Variants in SNX24 observed in about 807,000 individuals in gnomAD.
The protein encoded by SNX24 is sorting nexin-24.
SNX24 carries 22 observed loss-of-function variants against 28.7 expected under a neutral mutation model. That is an observed-to-expected ratio of 0.77 (90% CI 0.55 to 1.10). SNX24 has a LOEUF of 1.10. Ranked by LOEUF, SNX24 falls within the 50% of genes least tolerant of loss-of-function variation. The pLI is 0.00. For synonymous variants in SNX24, 69 were observed against 71.5 expected (o/e 0.96, Z 0.18); for missense variants, 221 against 201.1 (o/e 1.10, Z -0.60).
chr5:122,941,309 T>C (rs2150121346), intron 2 of SNX24, among the ~76,000 whole-genome samples: 1 of 152,300 alleles, frequency 6.6e-6, no homozygotes, highest in East Asian at 1.9e-4. Flanking sequence ...TTCTGTCTAC[T>C]ACTAACACCT....
chr5:122,924,524 C>T (rs1758591694), intron 1 of SNX24, among the ~76,000 whole-genome samples: 1 of 152,130 alleles, frequency 6.6e-6, no homozygotes, highest in Non-Finnish European at 1.5e-5. Flanking sequence ...GTACAGTGTG[C>T]AATTTAAAAC....
rs186279940 is a variant in SNX24 at position 122,917,291 on chromosome 5, C to T, written c.61-19443C>T. 4.6e-5 allele frequency among the ~76,000 whole-genome samples: 7 copies of T among 151,984 alleles called. No homozygotes were observed. In the East Asian group the frequency reaches 1.2e-3, roughly 25 times the overall value. On this transcript the variant is annotated intron_variant, in intron 1 of 6. Coordinates refer to ENST00000261369, the MANE Select transcript of SNX24 (RefSeq NM_014035.4). ...AAAAAGAAAGAAAAAAAAGACTGCTCCTCAACATCTCTCCTTGCTTCTGAA... is the reference window on the plus strand; with the variant it reads ...AAAAAGAAAGAAAAAAAAGACTGCTTCTCAACATCTCTCCTTGCTTCTGAA...
intron 2 of SNX24, among the ~76,000 whole-genome samples, chr5:122,937,660 AG>A (rs1759235904): frequency 6.6e-6 from 1 of 152,174 alleles, no homozygotes; most frequent in Non-Finnish European, 1.5e-5. Context: ...TTTCTTTTAA[AG>A]GGGAGCTCTA....
intron 5 of SNX24, among the ~76,000 whole-genome samples, chr5:123,023,081 A>G (rs1482333168): frequency 6.6e-6 from 1 of 152,240 alleles, no homozygotes; most frequent in African/African-American, 2.4e-5. Context: ...GATTATAGGC[A>G]TGAGCCACCA....
chr5:122,990,340 G>A (rs1205793368), intron 3 of SNX24, among the ~76,000 whole-genome samples: 5 of 152,172 alleles, frequency 3.3e-5, no homozygotes, highest in African/African-American at 1.2e-4. Flanking sequence ...ATAAAATGGT[G>A]TTGGAAGTCT....
intron 1 of SNX24, among the ~76,000 whole-genome samples, chr5:122,934,873 T>C (rs1260404754): frequency 6.6e-6 from 1 of 150,500 alleles, no homozygotes; most frequent in Non-Finnish European, 1.5e-5. Context: ...CCACCCTTCA[T>C]TGTGAATTTA....
chr5:123,018,928 G>A (rs1425365861), intron 5 of SNX24, among the ~76,000 whole-genome samples: 15 of 152,128 alleles, frequency 9.9e-5, no homozygotes, highest in Admixed American at 5.9e-4. Context: ...CTTGTGATCC[G>A]CCCGCCTCGG....
At chr5:122,860,807 A>G (rs1755425768) in intron 1 of SNX24, among the ~76,000 whole-genome samples, 1 of 152,038 alleles carries the variant, frequency 6.6e-6, no homozygotes, top group Admixed American at 6.6e-5. Flanking sequence ...TGTGTTAGCC[A>G]GGATGGTCTC....
At chr5:122,855,515 T>C (rs1009799236) in intron 1 of SNX24, among the ~76,000 whole-genome samples, 1 of 152,214 alleles carries the variant, frequency 6.6e-6, no homozygotes, top group Non-Finnish European at 1.5e-5. Flanking sequence ...GCATGGTGGC[T>C]CTAACTTGTA....
At chr5:123,001,283 C>T (rs1429019605) in intron 4 of SNX24, 122 bp from the exon 5 acceptor site, 1 of 704,064 alleles carries the variant, frequency 1.4e-6, no homozygotes, top group African/African-American at 1.8e-5. Context: ...ACTCACAGCT[C>T]TTTTAAAAAA....
chr5:122,962,749 A>C (rs1052151984), intron 3 of SNX24, among the ~76,000 whole-genome samples: 2 of 152,216 alleles, frequency 1.3e-5, no homozygotes, highest in Middle Eastern at 3.2e-3. Flanking sequence ...TATTAACTCT[A>C]GTGGATTGTG....
intron 1 of SNX24, among the ~76,000 whole-genome samples, chr5:122,878,632 C>T (rs1756337084): frequency 1.3e-5 from 2 of 151,756 alleles, no homozygotes; most frequent in Admixed American, 1.3e-4. Context: ...AGTTGTTTTC[C>T]CTGTCAGGAA....
At chr5:122,972,419 A>G (rs1368797315) in intron 3 of SNX24, among the ~76,000 whole-genome samples, 1 of 152,216 alleles carries the variant, frequency 6.6e-6, no homozygotes, top group African/African-American at 2.4e-5. Context: ...TGATTCAAAG[A>G]ATACACAGCC....
intron 3 of SNX24, among the ~76,000 whole-genome samples, chr5:122,994,975 A>G (rs1762001109): frequency 6.6e-6 from 1 of 152,174 alleles, no homozygotes; most frequent in Non-Finnish European, 1.5e-5. Flanking sequence ...CAGTTCTTTC[A>G]TTTAACCCCA....
chr5:122,982,018 T>C (rs976023103), intron 3 of SNX24, among the ~76,000 whole-genome samples: 1 of 152,196 alleles, frequency 6.6e-6, no homozygotes, highest in African/African-American at 2.4e-5. Flanking sequence ...AAGAGAGTAA[T>C]GTAACGTTCA....
intron 3 of SNX24, among the ~76,000 whole-genome samples, chr5:122,983,599 A>G (rs1474283213): frequency 6.6e-6 from 1 of 152,208 alleles, no homozygotes; most frequent in Non-Finnish European, 1.5e-5. Context: ...CCAACAAAGT[A>G]GTGAAAAATT....
intron 1 of SNX24, among the ~76,000 whole-genome samples, chr5:122,911,950 C>G (rs1431984388): frequency 4.8e-5 from 7 of 146,638 alleles, no homozygotes; most frequent in East Asian, 2.0e-4. Flanking sequence ...CTTGGCGATG[C>G]GGGCTCTTTT....
intron 1 of SNX24, among the ~76,000 whole-genome samples, chr5:122,921,630 GA>G (rs35540596): frequency 0.77 from 116,962 of 152,018 alleles, 45,878 homozygotes; most frequent in East Asian, 0.99. Flanking sequence ...TGTAAGGCTT[GA>G]AAAAAAGATT....
intron 3 of SNX24, among the ~76,000 whole-genome samples, chr5:122,984,986 A>G (rs533381239): frequency 2.6e-5 from 4 of 152,308 alleles, no homozygotes; most frequent in Non-Finnish European, 5.9e-5. Context: ...TCCTTATTGA[A>G]GTTGAGATTG....
Sources: allele counts gnomAD v4.1 joint callset (sites outside exome capture counted in the v4.1 genomes callset), GRCh38; gene constraint gnomAD v4.1.1; transcripts MANE v1.5; gene names NCBI Gene and HGNC (gene_info 2026-07-23, HGNC 2026-07-21).